IQCM: variants seen among roughly 807,000 people sequenced by gnomAD.
The protein encoded by IQCM is IQ domain-containing protein M.
In IQCM, 45 loss-of-function variants were observed where a neutral mutation model predicts 57.6. The observed-to-expected ratio is 0.78, with a 90% CI of 0.62 to 1.00. The LOEUF (loss-of-function observed/expected upper bound fraction) is 1.00, where lower values mean the gene tolerates loss of function less well. IQCM is among the 50% of genes least tolerant of loss of function. IQCM has a pLI of 0.00. For missense variants in IQCM, 468 were observed against 511.6 expected (o/e 0.91, Z 0.82); for synonymous variants, 148 against 158.9 (o/e 0.93, Z 0.51).
intron 2 of IQCM, among the ~76,000 whole-genome samples, chr4:149,770,269 C>T (rs904828297): frequency 6.6e-6 from 1 of 151,994 alleles, no homozygotes; most frequent in African/African-American, 2.4e-5. Context: ...CAAGAAGAAA[C>T]AGATAACCTG....
intron 5 of IQCM, among the ~76,000 whole-genome samples, chr4:149,694,095 A>T (rs1461637668): frequency 1.3e-5 from 2 of 152,226 alleles, no homozygotes; most frequent in South Asian, 4.1e-4. Context: ...AACATTTGTT[A>T]TAAGAATCAA....
At chr4:149,423,509 A>G (rs932814231) in intron 13 of IQCM, among the ~76,000 whole-genome samples, 1 of 152,014 alleles carries the variant, frequency 6.6e-6, no homozygotes, top group Non-Finnish European at 1.5e-5. Flanking sequence ...TGAGCTTTGA[A>G]TAATGTTAAA....
chr4:149,698,575 A>G (rs1763515028), intron 5 of IQCM, among the ~76,000 whole-genome samples: 1 of 152,134 alleles, frequency 6.6e-6, no homozygotes, highest in Admixed American at 6.6e-5. Context: ...ATAGTGCAAA[A>G]TGTACTACAA....
At chr4:149,765,081 CAT>C (rs1769909985) in intron 2 of IQCM, among the ~76,000 whole-genome samples, 1 of 151,944 alleles carries the variant, frequency 6.6e-6, no homozygotes, top group Admixed American at 6.6e-5. Flanking sequence ...TCACTTTAAA[CAT>C]AGAAAAATTA....
At chr4:149,696,185 G>T (rs1370152168) in intron 5 of IQCM, among the ~76,000 whole-genome samples, 1 of 152,054 alleles carries the variant, frequency 6.6e-6, no homozygotes, top group African/African-American at 2.4e-5. Context: ...TGTGGAAACT[G>T]CTCTCATCAA....
intron 7 of IQCM, among the ~76,000 whole-genome samples, chr4:149,677,391 T>C (rs1289907271): frequency 6.6e-6 from 1 of 152,034 alleles, no homozygotes; most frequent in Non-Finnish European, 1.5e-5. Flanking sequence ...GGTATCCCCA[T>C]TGGGACTTCC....
intron 13 of IQCM, among the ~76,000 whole-genome samples, chr4:149,406,200 A>C (rs1206884242): frequency 6.6e-6 from 1 of 152,076 alleles, no homozygotes; most frequent in Non-Finnish European, 1.5e-5. Flanking sequence ...TGAGCAAATC[A>C]AAGTCTCTGA....
intron 13 of IQCM, among the ~76,000 whole-genome samples, chr4:149,395,159 A>C (rs1456305873): frequency 6.6e-6 from 1 of 152,020 alleles, no homozygotes; most frequent in Non-Finnish European, 1.5e-5. Context: ...AAACATATAA[A>C]CATATCTATA....
chr4:149,464,417 GATTAGAAGCTCTCCTGCTTTGATCTTGCC>G (rs1017126417), intron 12 of IQCM, among the ~76,000 whole-genome samples: 9 of 152,130 alleles, frequency 5.9e-5, no homozygotes, highest in African/African-American at 1.9e-4. Context: ...TCCTGTCTAG[GATTAGAAGCTCTCCTGCTTTGATCTTGCC>G]AGAGCCCTCT....
At chr4:149,481,040 C>T (rs879526395) in intron 12 of IQCM, among the ~76,000 whole-genome samples, 2 of 152,040 alleles carry the variant, frequency 1.3e-5, no homozygotes, top group Non-Finnish European at 2.9e-5. Context: ...TGCCTGTTTG[C>T]CATTTGTATG....
chr4:149,557,301 C>T (rs1410931640), intron 10 of IQCM, among the ~76,000 whole-genome samples: 1 of 152,162 alleles, frequency 6.6e-6, no homozygotes, highest in African/African-American at 2.4e-5. Context: ...TTTTATAGTG[C>T]TCTGGAGCTA....
chr4:149,713,327 A>G (rs944186873), intron 5 of IQCM, among the ~76,000 whole-genome samples: 4 of 152,194 alleles, frequency 2.6e-5, no homozygotes, highest in African/African-American at 7.2e-5. Context: ...CTCCTCTCAC[A>G]GGCTGATTTT....
chr4:149,679,934 G>T (rs1029743355), intron 7 of IQCM, among the ~76,000 whole-genome samples: 1 of 151,240 alleles, frequency 6.6e-6, no homozygotes, highest in East Asian at 1.9e-4. Context: ...TTTCACGAAA[G>T]ACACAAAGTG....
At chr4:149,528,076 C>T (rs2149844256) in intron 12 of IQCM, among the ~76,000 whole-genome samples, 1 of 151,784 alleles carries the variant, frequency 6.6e-6, no homozygotes, top group South Asian at 2.1e-4. Flanking sequence ...ACCTCCACCT[C>T]CTGCGTTCAA....
intron 13 of IQCM, among the ~76,000 whole-genome samples, chr4:149,385,409 A>G (rs1282815330): frequency 6.6e-6 from 1 of 152,090 alleles, no homozygotes; most frequent in African/African-American, 2.4e-5. Flanking sequence ...TAATAGGGTA[A>G]GTTGACGAAA....
chr4:149,384,760 T>G (rs574979855), intron 13 of IQCM, among the ~76,000 whole-genome samples: 8 of 151,902 alleles, frequency 5.3e-5, no homozygotes, highest in African/African-American at 1.5e-4. Context: ...TTTTTTTTTT[T>G]GTCAGTTTAA....
intron 10 of IQCM, among the ~76,000 whole-genome samples, chr4:149,555,540 C>G (rs1245531911): frequency 6.6e-6 from 1 of 152,186 alleles, no homozygotes; most frequent in East Asian, 1.9e-4. Flanking sequence ...ACCCAGGATT[C>G]AGTGTCTGCA....
intron 10 of IQCM, among the ~76,000 whole-genome samples, chr4:149,563,329 TA>T (rs1750309495): frequency 6.6e-6 from 1 of 152,166 alleles, no homozygotes; most frequent in African/African-American, 2.4e-5. Flanking sequence ...ATTGCTAAGT[TA>T]AGGATAAGTG....
chr4:149,581,918 T>C (rs1390533507), intron 9 of IQCM, among the ~76,000 whole-genome samples: 4 of 151,502 alleles, frequency 2.6e-5, no homozygotes, highest in Non-Finnish European at 4.4e-5. Context: ...TCTGTGTGTG[T>C]GTATGTGAGG....
Sources: allele counts gnomAD v4.1 joint callset (sites outside exome capture counted in the v4.1 genomes callset), GRCh38; gene constraint gnomAD v4.1.1; transcripts MANE v1.5; gene names NCBI Gene and HGNC (gene_info 2026-07-23, HGNC 2026-07-21).